Variants in GRM7 observed in about 807,000 individuals in gnomAD.
The protein encoded by GRM7 is metabotropic glutamate receptor 7.
In GRM7, 35 loss-of-function variants were observed where a neutral mutation model predicts 84.5. That is an observed-to-expected ratio of 0.41 (90% CI 0.32 to 0.55). The LOEUF (loss-of-function observed/expected upper bound fraction) is 0.55, where lower values mean the gene tolerates loss of function less well. Among genes scored for constraint, GRM7 ranks in the 20% least tolerant of loss-of-function variants. The pLI is 0.19. For missense variants in GRM7, 1,003 were observed against 1,194.6 expected, an observed-to-expected ratio of 0.84 and a Z score of 2.36; for synonymous variants, 487 against 455.1, an observed-to-expected ratio of 1.07 and a Z score of -0.89.
intron 4 of GRM7, among the ~76,000 whole-genome samples, chr3:7,389,531 G>T (rs1262393436): frequency 6.6e-6 from 1 of 152,016 alleles, no homozygotes; most frequent in African/African-American, 2.4e-5. Flanking sequence ...TGTTTTATAA[G>T]TCCAGGTGCT....
At chr3:7,430,689 G>T (rs1402081475) in intron 5 of GRM7, among the ~76,000 whole-genome samples, 2 of 152,112 alleles carry the variant, frequency 1.3e-5, no homozygotes, top group African/African-American at 2.4e-5. Flanking sequence ...TAGCCCAGTT[G>T]GGGGGACAGT....
At chr3:7,738,799 A>G (rs188615503) in intron 9 of GRM7, among the ~76,000 whole-genome samples, 7 of 149,072 alleles carry the variant, frequency 4.7e-5, no homozygotes, top group Admixed American at 3.4e-4. Flanking sequence ...AGCTGTGACT[A>G]TTGCTTGCAA....
At chr3:7,507,500 G>T (rs1226843996) in intron 7 of GRM7, among the ~76,000 whole-genome samples, 2 of 152,180 alleles carry the variant, frequency 1.3e-5, no homozygotes, top group African/African-American at 4.8e-5. Context: ...TCAGACTAAA[G>T]AAACTATTTT....
chr3:7,663,837 C>T (rs78185133), intron 8 of GRM7, among the ~76,000 whole-genome samples: 2,412 of 152,208 alleles, frequency 0.016, 36 homozygotes, highest in Non-Finnish European at 0.026. Context: ...TATACGAATT[C>T]CCACAAATAT....
intron 4 of GRM7, among the ~76,000 whole-genome samples, chr3:7,386,637 G>A (rs1324531095): frequency 1.3e-5 from 2 of 152,114 alleles, no homozygotes; most frequent in Admixed American, 6.6e-5. Flanking sequence ...AGTATTCCAT[G>A]GTGTATATGT....
chr3:7,074,121 T>C (rs1353030746), intron 1 of GRM7, among the ~76,000 whole-genome samples: 1 of 152,104 alleles, frequency 6.6e-6, no homozygotes, highest in Non-Finnish European at 1.5e-5. Context: ...CAAAAACAAA[T>C]ATCTAAATAT....
chr3:7,289,004 T>G (rs886094564), intron 2 of GRM7, among the ~76,000 whole-genome samples: 4 of 152,210 alleles, frequency 2.6e-5, no homozygotes, highest in African/African-American at 9.6e-5. Context: ...CCCATATACA[T>G]GCAGGTAAGA....
chr3:7,126,770 T>G (rs1441812678), intron 1 of GRM7, among the ~76,000 whole-genome samples: 1 of 152,208 alleles, frequency 6.6e-6, no homozygotes, highest in Non-Finnish European at 1.5e-5. Flanking sequence ...TCTCTTTTCC[T>G]TCTACCTCTT....
At chr3:7,323,105 A>G (rs1004182200) in intron 4 of GRM7, among the ~76,000 whole-genome samples, 3 of 152,158 alleles carry the variant, frequency 2.0e-5, no homozygotes, top group African/African-American at 7.2e-5. Context: ...AGAATTGGTC[A>G]CTGAAAGGCA....
chr3:7,057,249 A>C (rs752508372), intron 1 of GRM7, among the ~76,000 whole-genome samples: 1 of 151,858 alleles, frequency 6.6e-6, no homozygotes, highest in African/African-American at 2.4e-5. Context: ...AATGTTGGAG[A>C]AGTTCATTTA....
intron 2 of GRM7, among the ~76,000 whole-genome samples, chr3:7,283,523 T>G (rs1273196923): frequency 1.3e-5 from 2 of 152,108 alleles, no homozygotes; most frequent in African/African-American, 4.8e-5. Context: ...AAAGACTGCT[T>G]TTGAAATAGA....
intron 1 of GRM7, among the ~76,000 whole-genome samples, chr3:7,015,841 A>G (rs1309032765): frequency 6.6e-6 from 1 of 152,210 alleles, no homozygotes; most frequent in Non-Finnish European, 1.5e-5. Flanking sequence ...AGGAGGCCAG[A>G]GTGCCTTTGA....
chr3:7,246,070 TTGAC>T (rs374353046), intron 2 of GRM7, among the ~76,000 whole-genome samples: 263 of 152,292 alleles, frequency 1.7e-3, no homozygotes, highest in African/African-American at 5.7e-3. Flanking sequence ...TAATTTTCCT[TTGAC>T]TGCATCTTTA....
intron 8 of GRM7, among the ~76,000 whole-genome samples, chr3:7,671,942 A>G (rs1699934123): frequency 6.6e-6 from 1 of 152,046 alleles, no homozygotes; most frequent in Admixed American, 6.5e-5. Context: ...TGATTTTATC[A>G]TTTGCCTGAG....
At chr3:7,117,485 C>T (rs907260404) in intron 1 of GRM7, among the ~76,000 whole-genome samples, 1 of 152,130 alleles carries the variant, frequency 6.6e-6, no homozygotes, top group Admixed American at 6.5e-5. Flanking sequence ...CCTTGTAGAA[C>T]GTGCTCCAGT....
chr3:7,054,856 C>A (rs1330170457), intron 1 of GRM7, among the ~76,000 whole-genome samples: 2 of 151,964 alleles, frequency 1.3e-5, no homozygotes, highest in South Asian at 4.1e-4. Context: ...TCTGACTCTT[C>A]TTTACAACAA....
intron 9 of GRM7, among the ~76,000 whole-genome samples, chr3:7,723,936 A>G (rs981374641): frequency 3.3e-5 from 5 of 152,150 alleles, no homozygotes; most frequent in African/African-American, 1.2e-4. Context: ...AATCTAATAT[A>G]CTTGTTGGAG....
At chr3:7,617,729 C>T (rs532733361) in intron 8 of GRM7, among the ~76,000 whole-genome samples, 2 of 152,204 alleles carry the variant, frequency 1.3e-5, no homozygotes, top group Admixed American at 1.3e-4. Context: ...GCGCAAGTAT[C>T]AAGACATTTA....
intron 1 of GRM7, among the ~76,000 whole-genome samples, chr3:6,975,996 TTTTAA>T (rs1693977877): frequency 6.6e-6 from 1 of 152,116 alleles, no homozygotes; most frequent in South Asian, 2.1e-4. Flanking sequence ...GTTACCAAGA[TTTTAA>T]GATGGAGTGA....
Sources: gnomAD v4.1 joint callset for allele counts (sites outside exome capture counted in the v4.1 genomes callset) on GRCh38, gnomAD v4.1.1 for gene constraint, MANE v1.5 for transcripts, NCBI Gene and HGNC (gene_info 2026-07-23, HGNC 2026-07-21) for gene names.